The following ZFAND6 variants were observed in gnomAD, a reference collection of about 807,000 sequenced individuals.
ZFAND6 encodes AN1-type zinc finger protein 6.
Under a neutral mutation model 24.5 loss-of-function variants are expected in ZFAND6, and 12 were observed. That is an observed-to-expected ratio of 0.49 (90% CI 0.31 to 0.79). ZFAND6 has a LOEUF of 0.79. ZFAND6 is among the 30% of genes least tolerant of loss of function. The pLI, the probability that ZFAND6 is intolerant of heterozygous loss-of-function variation, is 0.04. For missense variants in ZFAND6, 207 were observed against 245.9 expected (o/e 0.84, Z 1.06); for synonymous variants, 92 against 81.5 (o/e 1.13, Z -0.69).
At chr15:80,114,868 A>C (rs1351981566) in intron 2 of ZFAND6, among the ~76,000 whole-genome samples, 1 of 152,232 alleles carries the variant, frequency 6.6e-6, no homozygotes, top group East Asian at 1.9e-4. Flanking sequence ...AAGCTGCATA[A>C]TATGTTAACA....
chr15:80,101,515 CTG>C lies in ZFAND6; in HGVS notation c.-18+2942_-18+2943del, dbSNP rs536016783. Among the ~76,000 whole-genome samples the C allele has an allele frequency of 5.8e-4, 88 of 152,202 alleles. No individual in the cohort carries two copies. In the Middle Eastern group the frequency reaches 0.01, roughly 18 times the overall value. On this transcript the variant is annotated intron_variant, in intron 2 of 6. Coordinates refer to ENST00000261749, the MANE Select transcript of ZFAND6 (RefSeq NM_019006.4). ...TCCCCTGCCTTCCTGTCTCAATCTG[CTG>C]TGTGCATTAGCCCCATTTCACATTC... is the stretch of plus-strand genomic sequence containing the variant.
chr15:80,059,000 C>T (rs1314592436), upstream of ZFAND6, among the ~76,000 whole-genome samples: 2 of 152,252 alleles, frequency 1.3e-5, no homozygotes, highest in African/African-American at 4.8e-5. Flanking sequence ...GAACTGACCC[C>T]GTGCTTTTGG....
At chr15:80,062,543 A>G (rs1308605773) in intron 1 of ZFAND6, among the ~76,000 whole-genome samples, 1 of 152,160 alleles carries the variant, frequency 6.6e-6, no homozygotes, top group Non-Finnish European at 1.5e-5. Flanking sequence ...TGTTTCATTC[A>G]TGTATGTAAG....
chr15:80,064,752 C>T (rs1046022611), intron 1 of ZFAND6, among the ~76,000 whole-genome samples: 4 of 152,134 alleles, frequency 2.6e-5, no homozygotes, highest in Admixed American at 6.5e-5. Flanking sequence ...GTGATTATCC[C>T]GCCTCAGCCT....
chr15:80,067,743 C>T (rs1255417075), intron 1 of ZFAND6, among the ~76,000 whole-genome samples: 1 of 152,016 alleles, frequency 6.6e-6, no homozygotes, highest in African/African-American at 2.4e-5. Flanking sequence ...AATTTATAGT[C>T]CTGTGGCTAA....
chr15:80,078,313 G>A (rs1207180398), intron 1 of ZFAND6, among the ~76,000 whole-genome samples: 1 of 152,162 alleles, frequency 6.6e-6, no homozygotes, highest in Admixed American at 6.5e-5. Flanking sequence ...CGTGGTATTT[G>A]GTTTTCTGTC....
chr15:80,083,227 G>A (rs1356069075), intron 1 of ZFAND6, among the ~76,000 whole-genome samples: 5 of 152,114 alleles, frequency 3.3e-5, no homozygotes, highest in African/African-American at 1.2e-4. Context: ...TCCTGACCTC[G>A]TGATCCGCCC....
chr15:80,103,897 G>A (rs944324918), intron 2 of ZFAND6, among the ~76,000 whole-genome samples: 1 of 152,100 alleles, frequency 6.6e-6, no homozygotes, highest in African/African-American at 2.4e-5. Context: ...CACCTATGCA[G>A]GGGTGTAGTG....
At chr15:80,119,015 T>C (rs1042655418) in intron 2 of ZFAND6, among the ~76,000 whole-genome samples, 3 of 152,222 alleles carry the variant, frequency 2.0e-5, no homozygotes, top group African/African-American at 7.2e-5. Flanking sequence ...TGAAATAGAC[T>C]CATCTGTAAT....
At chr15:80,092,861 T>C (rs767366033) in intron 1 of ZFAND6, among the ~76,000 whole-genome samples, 10 of 152,164 alleles carry the variant, frequency 6.6e-5, no homozygotes, top group Non-Finnish European at 1.5e-4. Flanking sequence ...TAAAATACTT[T>C]TATATTTAGC....
At chr15:80,074,089 G>A (rs1367526940) in intron 1 of ZFAND6, among the ~76,000 whole-genome samples, 1 of 151,880 alleles carries the variant, frequency 6.6e-6, no homozygotes. Context: ...TTTTTCTGAT[G>A]TGTAGCCCCT....
At chr15:80,120,085 C>A (rs1456379135) in intron 2 of ZFAND6, among the ~76,000 whole-genome samples, 1 of 152,104 alleles carries the variant, frequency 6.6e-6, no homozygotes, top group Non-Finnish European at 1.5e-5. Context: ...TCTAGGAGTT[C>A]TTTATACTTT....
At chr15:80,062,584 TTTTG>T (rs1342953799) in intron 1 of ZFAND6, among the ~76,000 whole-genome samples, 51 of 152,318 alleles carry the variant, frequency 3.3e-4, no homozygotes, top group African/African-American at 1.2e-3. Flanking sequence ...TGAATAACCT[TTTTG>T]TTTGAAGGCA....
intron 5 of ZFAND6, 175 bp from the exon 6 acceptor site, chr15:80,131,005 A>G: frequency 4.2e-6 from 2 of 480,998 alleles, no homozygotes; most frequent in East Asian, 3.0e-5. Flanking sequence ...GCATATATAC[A>G]TACATTTAAC....
intron 1 of ZFAND6, among the ~76,000 whole-genome samples, chr15:80,097,951 A>G (rs936882912): frequency 6.6e-5 from 10 of 152,174 alleles, no homozygotes; most frequent in Admixed American, 1.3e-4. Context: ...GAAATGTGCT[A>G]TAAACCATAG....
At chr15:80,063,657 T>G (rs1247242774) in intron 1 of ZFAND6, among the ~76,000 whole-genome samples, 1 of 151,740 alleles carries the variant, frequency 6.6e-6, no homozygotes, top group Non-Finnish European at 1.5e-5. Flanking sequence ...CAAGCGATTC[T>G]CCTGCCTCAG....
intron 2 of ZFAND6, among the ~76,000 whole-genome samples, chr15:80,102,986 C>G (rs112077662): frequency 6.6e-5 from 10 of 152,202 alleles, no homozygotes; most frequent in Non-Finnish European, 1.5e-4. Context: ...TATGTGTGTG[C>G]TATTCTGTCT....
chr15:80,062,619 T>G (rs2141770488), intron 1 of ZFAND6, among the ~76,000 whole-genome samples: 1 of 152,300 alleles, frequency 6.6e-6, no homozygotes, highest in East Asian at 1.9e-4. Flanking sequence ...GATGGTTTCA[T>G]TTTTTCTATA....
intron 1 of ZFAND6, among the ~76,000 whole-genome samples, chr15:80,090,018 C>A (rs1460878422): frequency 6.6e-6 from 1 of 152,194 alleles, no homozygotes; most frequent in Admixed American, 6.5e-5. Context: ...CGAAGCTAAT[C>A]ACTGTATAAC....
Sources: gnomAD v4.1 joint callset for allele counts (sites outside exome capture counted in the v4.1 genomes callset) on GRCh38, gnomAD v4.1.1 for gene constraint, MANE v1.5 for transcripts, NCBI Gene and HGNC (gene_info 2026-07-23, HGNC 2026-07-21) for gene names.